BAZ2B: variants seen among roughly 807,000 people sequenced by gnomAD.
BAZ2B encodes the protein bromodomain adjacent to zinc finger domain 2B, also known as bromodomain adjacent to zinc finger domain protein 2B.
A neutral mutation model predicts 246.0 loss-of-function variants in BAZ2B; 91 were observed. The ratio of observed to expected loss-of-function variants is 0.37; its 90% CI spans 0.31 to 0.44. The LOEUF is 0.44. Among genes scored for constraint, BAZ2B ranks in the 20% least tolerant of loss-of-function variants. The pLI is 1.00. For synonymous variants in BAZ2B, 855 were observed against 860.0 expected (o/e 0.99, Z 0.10); for missense variants, 2,332 against 2,533.7 (o/e 0.92, Z 1.71).
chr2:159,453,724 G>C lies in BAZ2B; in HGVS notation c.223C>G (p.Pro75Ala). The C allele has an allele frequency of 6.2e-7, 1 of 1,613,732 alleles. No homozygotes were observed. Among genetic ancestry groups the C allele is most frequent in the South Asian group, 1.1e-5 (1 of 90,994 alleles). ...VSSAFPMVSH[P>A]VFGLHSASSG... ...CTGGCTGAATGTAGACCAAAGACTG[G>C]GTGGCTGACCATTGGGAAGGCACTC... is the stretch of plus-strand genomic sequence containing the variant. The change falls in exon 4 of 37, where the codon CCA (proline) becomes GCA (alanine). Residue 75 changes from proline to alanine, a missense_variant. Physicochemically the swap from Pro to Ala is conservative, Grantham distance 27 (BLOSUM62 -1). Coordinates refer to ENST00000392783, the MANE Select transcript of BAZ2B (RefSeq NM_013450.4).
chr2:159,491,103 G>A lies in BAZ2B; in HGVS notation c.-2-12382C>T, dbSNP rs192886486. The stretch of plus-strand genomic sequence containing the variant: ...TTTTACCTGTTTAATATGTCTGAGG[G>A]TCATATTAACCTTAAAACAAAATTT... On this transcript the variant is annotated intron_variant, in intron 2 of 36. Coordinates refer to ENST00000392783, the MANE Select transcript of BAZ2B (RefSeq NM_013450.4). 1.9e-3 allele frequency among the ~76,000 whole-genome samples: 284 copies of A among 152,142 alleles called. 2 individuals carry two copies. Among genetic ancestry groups the A allele is most frequent in the Admixed American group, 3.0e-3 (46 of 15,270 alleles).
At chr2:159,438,874 ATCT>A in intron 7 of BAZ2B, 132 bp downstream of exon 7, 3 of 1,237,722 alleles carry the variant, frequency 2.4e-6, no homozygotes, top group South Asian at 1.5e-5. Context: ...ACATTTCTTC[ATCT>A]TCTTTCTTGG....
At chr2:159,656,470 G>T in the BAZ2B span, among the ~76,000 whole-genome samples, 1 of 152,040 alleles carries the variant, frequency 6.6e-6, no homozygotes, top group East Asian at 1.9e-4. Context: ...AAAATTTTGT[G>T]TTACACCCAT....
At chr2:159,383,808 T>G in intron 23 of BAZ2B, 128 bp from the exon 24 acceptor site, 1 of 726,096 alleles carries the variant, frequency 1.4e-6, no homozygotes, top group Non-Finnish European at 2.3e-6. Flanking sequence ...ACAACTGACC[T>G]CATGCATATA....
intron 13 of BAZ2B, among the ~76,000 whole-genome samples, chr2:159,425,922 A>C (rs1009862518): frequency 2.0e-5 from 3 of 152,332 alleles, no homozygotes; most frequent in South Asian, 4.1e-4. Flanking sequence ...ACATGGTTTT[A>C]TAACTATATG....
intron 3 of BAZ2B, among the ~76,000 whole-genome samples, chr2:159,454,151 T>C (rs1484073006): frequency 2.0e-5 from 3 of 152,012 alleles, no homozygotes; most frequent in Admixed American, 2.0e-4. Context: ...ATTTTACTCA[T>C]AAGAAGGGAA....
At chr2:159,675,289 T>TAA in the BAZ2B span, among the ~76,000 whole-genome samples, 2 of 145,144 alleles carry the variant, frequency 1.4e-5, no homozygotes, top group African/African-American at 5.0e-5. Flanking sequence ...CTTCTTCAGT[T>TAA]AAAAAAAAAA....
chr2:159,640,233 T>C, the BAZ2B span, among the ~76,000 whole-genome samples: 3 of 152,080 alleles, frequency 2.0e-5, no homozygotes, highest in African/African-American at 7.2e-5. Context: ...AAGAGAGAGA[T>C]AGATTCCAAT....
At chr2:159,518,196 G>A (rs2083637980) in intron 2 of BAZ2B, among the ~76,000 whole-genome samples, 1 of 152,068 alleles carries the variant, frequency 6.6e-6, no homozygotes, top group Admixed American at 6.5e-5. Context: ...ACATAAAGAG[G>A]TACAGCAAAT....
At chr2:159,469,112 ATAAT>A (rs765448617) in intron 3 of BAZ2B, among the ~76,000 whole-genome samples, 2 of 151,682 alleles carry the variant, frequency 1.3e-5, no homozygotes, top group South Asian at 4.1e-4. Context: ...ACAGAAGGAA[ATAAT>A]TAATGAGAGA....
chr2:159,593,392 A>C (rs1689854640), intron 1 of BAZ2B, among the ~76,000 whole-genome samples: 1 of 152,172 alleles, frequency 6.6e-6, no homozygotes, highest in Non-Finnish European at 1.5e-5. Flanking sequence ...AGGGAAAAAA[A>C]AGATTATGTC....
intron 27 of BAZ2B, among the ~76,000 whole-genome samples, chr2:159,370,443 T>C (rs1362900114): frequency 3.7e-5 from 5 of 136,648 alleles, no homozygotes; most frequent in African/African-American, 1.1e-4. Flanking sequence ...CAATCTCGGC[T>C]CACTACAAGC....
the BAZ2B span, among the ~76,000 whole-genome samples, chr2:159,696,938 C>T: frequency 3.9e-5 from 6 of 152,286 alleles, no homozygotes; most frequent in East Asian, 1.2e-3. Flanking sequence ...AGGTGCGTGC[C>T]ACCACACTCG....
At chr2:159,549,977 C>A (rs1366981443) in intron 2 of BAZ2B, among the ~76,000 whole-genome samples, 2 of 152,194 alleles carry the variant, frequency 1.3e-5, no homozygotes, top group South Asian at 2.1e-4. Context: ...GCATGTGCCA[C>A]CACGCCTGGC....
At chr2:159,607,993 A>C (rs533752180) in intron 1 of BAZ2B, among the ~76,000 whole-genome samples, 1 of 152,320 alleles carries the variant, frequency 6.6e-6, no homozygotes, top group South Asian at 2.1e-4. Flanking sequence ...AAATATGTGC[A>C]ATTCTGTGGT....
intron 2 of BAZ2B, among the ~76,000 whole-genome samples, chr2:159,540,582 G>A (rs1468065492): frequency 6.6e-6 from 1 of 152,112 alleles, no homozygotes; most frequent in African/African-American, 2.4e-5. Flanking sequence ...CCATACTAAG[G>A]TCTCTTGAAC....
chr2:159,703,811 G>A, the BAZ2B span, among the ~76,000 whole-genome samples: 1 of 152,282 alleles, frequency 6.6e-6, no homozygotes, highest in Admixed American at 6.5e-5. Context: ...GCTAGAGTAA[G>A]CAGTGATCGT....
intron 1 of BAZ2B, among the ~76,000 whole-genome samples, chr2:159,582,274 T>C (rs1687009309): frequency 6.6e-6 from 1 of 152,228 alleles, no homozygotes; most frequent in Non-Finnish European, 1.5e-5. Flanking sequence ...AAAGTAGTTC[T>C]GGAAACTGCC....
At chr2:159,555,529 T>C (rs920047295) in intron 2 of BAZ2B, 1 of 152,214 alleles carries the variant, frequency 6.6e-6, no homozygotes, top group African/African-American at 2.4e-5. Context: ...TCAAAAAAGA[T>C]GACGTTCAGA....
Sources: allele counts gnomAD v4.1 joint callset (sites outside exome capture counted in the v4.1 genomes callset), GRCh38; gene constraint gnomAD v4.1.1; transcripts MANE v1.5; gene names NCBI Gene and HGNC (gene_info 2026-07-23, HGNC 2026-07-21).